The following AGBL4 variants were observed in gnomAD, a reference collection of about 807,000 sequenced individuals.
AGBL4 encodes the protein AGBL carboxypeptidase 4.
A neutral mutation model predicts 66.4 loss-of-function variants in AGBL4; 58 were observed. That is an observed-to-expected ratio of 0.87 (90% CI 0.71 to 1.09). The LOEUF is 1.09. Among genes scored for constraint, AGBL4 ranks in the 50% least tolerant of loss-of-function variants. AGBL4 has a pLI of 0.00. For missense variants in AGBL4, 579 were observed against 631.0 expected (o/e 0.92, Z 0.88); for synonymous variants, 234 against 222.9 (o/e 1.05, Z -0.44).
intron 6 of AGBL4, among the ~76,000 whole-genome samples, chr1:48,846,490 C>G (rs570373570): frequency 6.6e-6 from 1 of 152,316 alleles, no homozygotes; most frequent in African/African-American, 2.4e-5. Flanking sequence ...CTGCTTCACA[C>G]TGACCTTAAC....
intron 6 of AGBL4, among the ~76,000 whole-genome samples, chr1:48,837,711 C>CTATATA (rs58650623): frequency 0.034 from 2,801 of 82,178 alleles, 114 homozygotes; most frequent in Middle Eastern, 0.066. Flanking sequence ...CACACACACA[C>CTATATA]TATATATATA....
intron 1 of AGBL4, among the ~76,000 whole-genome samples, chr1:49,876,996 G>A (rs1173269747): frequency 1.3e-5 from 2 of 151,584 alleles, no homozygotes; most frequent in African/African-American, 4.9e-5. Flanking sequence ...TGTGATTTTT[G>A]TACATTGATT....
At chr1:49,730,453 A>G (rs1649352350) in intron 2 of AGBL4, among the ~76,000 whole-genome samples, 1 of 152,122 alleles carries the variant, frequency 6.6e-6, no homozygotes, top group Non-Finnish European at 1.5e-5. Context: ...CAGAACTATG[A>G]CATGCCCCCA....
intron 1 of AGBL4, among the ~76,000 whole-genome samples, chr1:49,864,010 A>G (rs190361646): frequency 4.5e-4 from 69 of 152,304 alleles, no homozygotes; most frequent in Non-Finnish European, 7.2e-4. Context: ...GAAAAACCGA[A>G]GTGTTCACCA....
At chr1:49,866,465 T>C (rs1646702967) in intron 1 of AGBL4, among the ~76,000 whole-genome samples, 1 of 152,118 alleles carries the variant, frequency 6.6e-6, no homozygotes, top group South Asian at 2.1e-4. Context: ...TTCACACTTT[T>C]TAAAAAAAGA....
rs76875943 is a variant in AGBL4, at chr1:48,709,467, G to A, written c.635-46226C>T. The stretch of plus-strand genomic sequence containing the variant: ...AATCTAAATAGTTATTTGAGAGGCA[G>A]TGATATTTCTTTATAACTTTGGGCT... On this transcript the variant is annotated intron_variant, in intron 6 of 13. Transcript: ENST00000371839. 2.8e-3 allele frequency among the ~76,000 whole-genome samples: 421 copies of A among 152,228 alleles called. 4 individuals carry two copies. The highest frequency in any genetic ancestry group is 0.018 in the East Asian group (92 of 5,184).
At position 48,925,149 on chromosome 1, in the gene AGBL4, T is replaced by TACACAC. The variant is rs55896102; in HGVS notation, c.595-57925_595-57920dup. 2.4e-3 allele frequency among the ~76,000 whole-genome samples: 345 copies of TACACAC among 145,988 alleles called. 1 individual carries two copies. The highest frequency in any genetic ancestry group is 3.4e-3 in the Non-Finnish European group (224 of 66,304). ...GACCATCTGTATATATATATATACA[T>TACACAC]ACACACACACACACACACACACACA... On this transcript the variant is annotated intron_variant, in intron 5 of 13. Transcript: ENST00000371839.
chr1:49,005,132 T>C (rs919300188), intron 5 of AGBL4, among the ~76,000 whole-genome samples: 2 of 152,136 alleles, frequency 1.3e-5, no homozygotes, highest in African/African-American at 2.4e-5. Flanking sequence ...AGTTGAAAAA[T>C]CATATCACCT....
intron 9 of AGBL4, among the ~76,000 whole-genome samples, chr1:48,631,985 T>G (rs1165059229): frequency 6.6e-6 from 1 of 152,210 alleles, no homozygotes; most frequent in Non-Finnish European, 1.5e-5. Flanking sequence ...TTAAAGTCTA[T>G]TTCCCCACTA....
chr1:49,987,692 ACT>A (rs1491110190), intron 1 of AGBL4, among the ~76,000 whole-genome samples: 4 of 151,920 alleles, frequency 2.6e-5, no homozygotes, highest in Non-Finnish European at 4.4e-5. Context: ...GAAATTATAC[ACT>A]TTTAAAATTT....
chr1:48,728,307 GCA>G (rs1459357394), intron 6 of AGBL4, among the ~76,000 whole-genome samples: 2 of 151,744 alleles, frequency 1.3e-5, no homozygotes, highest in East Asian at 3.9e-4. Flanking sequence ...TTCCTCCCAA[GCA>G]CCTGCAGGCC....
chr1:49,830,889 C>T (rs936166443), intron 2 of AGBL4, among the ~76,000 whole-genome samples: 1 of 151,994 alleles, frequency 6.6e-6, no homozygotes, highest in African/African-American at 2.4e-5. Context: ...GCTTGTTTTT[C>T]TCAGGTTTGT....
At chr1:49,011,829 A>G (rs1662444426) in intron 5 of AGBL4, among the ~76,000 whole-genome samples, 1 of 141,346 alleles carries the variant, frequency 7.1e-6, no homozygotes, top group South Asian at 2.2e-4. Flanking sequence ...GGAATTGAAC[A>G]ATGAGATCAC....
chr1:49,014,916 A>T (rs1443984095), intron 5 of AGBL4, among the ~76,000 whole-genome samples: 2 of 152,198 alleles, frequency 1.3e-5, no homozygotes, highest in African/African-American at 2.4e-5. Context: ...ATACACAGTT[A>T]TCTTACCAAT....
chr1:49,343,408 T>C (rs1162536607), intron 3 of AGBL4, among the ~76,000 whole-genome samples: 1 of 152,180 alleles, frequency 6.6e-6, no homozygotes, highest in Non-Finnish European at 1.5e-5. Flanking sequence ...GTGTAATAAC[T>C]AGGTGGGAAA....
chr1:48,550,435 A>G (rs893010363), intron 11 of AGBL4, among the ~76,000 whole-genome samples: 2 of 152,014 alleles, frequency 1.3e-5, no homozygotes, highest in African/African-American at 4.8e-5. Context: ...CTCCCTCTTC[A>G]GTGTATGTCA....
chr1:49,604,164 A>G (rs555129254), intron 3 of AGBL4, among the ~76,000 whole-genome samples: 1 of 152,306 alleles, frequency 6.6e-6, no homozygotes, highest in South Asian at 2.1e-4. Flanking sequence ...CTGTTTTCAT[A>G]GAGGCTGTAC....
At chr1:49,481,439 G>C (rs1646953372) in intron 3 of AGBL4, among the ~76,000 whole-genome samples, 1 of 151,878 alleles carries the variant, frequency 6.6e-6, no homozygotes, top group African/African-American at 2.4e-5. Context: ...ACTGTTTTTA[G>C]CATATAAGAA....
At chr1:48,816,045 TTG>T (rs59041939) in intron 6 of AGBL4, among the ~76,000 whole-genome samples, 6,403 of 144,288 alleles carry the variant, frequency 0.044, 168 homozygotes, top group African/African-American at 0.078. Context: ...AGGAACTGTT[TTG>T]TGTGTGTGTG....
Sources: allele counts gnomAD v4.1 joint callset (sites outside exome capture counted in the v4.1 genomes callset), GRCh38; gene constraint gnomAD v4.1.1; transcripts MANE v1.5; gene names NCBI Gene and HGNC (gene_info 2026-07-23, HGNC 2026-07-21).